KCNMB2: variants seen among roughly 807,000 people sequenced by gnomAD.
KCNMB2 encodes calcium-activated potassium channel subunit beta-2.
A neutral mutation model predicts 24.5 loss-of-function variants in KCNMB2; 9 were observed. That is an observed-to-expected ratio of 0.37 (90% CI 0.22 to 0.64). The LOEUF is 0.64. Among genes scored for constraint, KCNMB2 ranks in the 30% least tolerant of loss-of-function variants. The pLI is 0.63. For synonymous variants in KCNMB2, 109 were observed against 104.4 expected (o/e 1.04, Z -0.27); for missense variants, 226 against 284.3 (o/e 0.79, Z 1.47).
intron 1 of KCNMB2, among the ~76,000 whole-genome samples, chr3:178,777,052 T>G (rs1712611055): frequency 6.6e-6 from 1 of 152,146 alleles, no homozygotes; most frequent in African/African-American, 2.4e-5. Flanking sequence ...TATTAACCAA[T>G]GGAGCATAGC....
chr3:178,832,949 A>G (rs1560040081), intron 4 of KCNMB2, among the ~76,000 whole-genome samples: 1 of 80,964 alleles, frequency 1.2e-5, no homozygotes, highest in Non-Finnish European at 2.3e-5. Context: ...GTTGTCTTAT[A>G]ATATCTGGCT....
At position 178,780,060 on chromosome 3, in the gene KCNMB2, A is replaced by ATT. The variant is rs1560018477; in HGVS notation, c.-67-27283_-67-27282insTT. 1.4e-4 allele frequency among the ~76,000 whole-genome samples: 21 copies of ATT among 149,494 alleles called. No individual in the cohort carries two copies. In the East Asian group the frequency reaches 2.5e-3, roughly 18 times the overall value. ...CCAATTAGTTGTTTTTTTTAAAAAA[A>ATT]AAAAAAAAAAAAGCACTATGAAATT... is the stretch of plus-strand genomic sequence containing the variant. On this transcript the variant is annotated intron_variant, in intron 1 of 4. Transcript: ENST00000452583.
chr3:178,649,733 T>A (rs115320753), intron 1 of KCNMB2, among the ~76,000 whole-genome samples: 2,597 of 152,188 alleles, frequency 0.017, 64 homozygotes, highest in African/African-American at 0.059. Flanking sequence ...TATCATTTTT[T>A]ATTTGTATCT....
At chr3:178,659,762 T>C (rs1004252398) in intron 1 of KCNMB2, among the ~76,000 whole-genome samples, 6 of 152,228 alleles carry the variant, frequency 3.9e-5, no homozygotes, top group African/African-American at 1.4e-4. Flanking sequence ...GTTATGTTAA[T>C]TAAATGAGAT....
chr3:178,661,736 C>T (rs980603636), intron 1 of KCNMB2, among the ~76,000 whole-genome samples: 2 of 152,092 alleles, frequency 1.3e-5, no homozygotes, highest in East Asian at 1.9e-4. Context: ...TCTTGGATCC[C>T]GCCCCAAATC....
At chr3:178,698,600 C>T (rs992193137) in intron 1 of KCNMB2, among the ~76,000 whole-genome samples, 3 of 152,096 alleles carry the variant, frequency 2.0e-5, no homozygotes, top group African/African-American at 4.8e-5. Flanking sequence ...ATCTATATAC[C>T]GAATTCTATT....
intron 1 of KCNMB2, among the ~76,000 whole-genome samples, chr3:178,650,608 A>G (rs1720079818): frequency 3.9e-5 from 6 of 152,004 alleles, no homozygotes; most frequent in Admixed American, 3.3e-4. Context: ...CACAACAACA[A>G]AAAAAAATTT....
intron 4 of KCNMB2, among the ~76,000 whole-genome samples, chr3:178,835,726 T>C (rs1320435793): frequency 6.6e-6 from 1 of 151,456 alleles, no homozygotes; most frequent in Admixed American, 6.6e-5. Context: ...TTTGTTTGTT[T>C]GTTTGTTTAC....
chr3:178,713,282 C>T (rs1297826615), intron 1 of KCNMB2, among the ~76,000 whole-genome samples: 2 of 152,156 alleles, frequency 1.3e-5, no homozygotes, highest in African/African-American at 2.4e-5. Context: ...TGGGCAAATA[C>T]TCAGAAAAAT....
chr3:178,769,236 T>C, intron 1 of KCNMB2, among the ~76,000 whole-genome samples: 1 of 152,214 alleles, frequency 6.6e-6, no homozygotes, highest in South Asian at 2.1e-4. Flanking sequence ...CCCATTAAAG[T>C]ATATATGGTG....
At chr3:178,548,925 G>A (rs1053668553) in intron 1 of KCNMB2, among the ~76,000 whole-genome samples, 1 of 152,096 alleles carries the variant, frequency 6.6e-6, no homozygotes, top group African/African-American at 2.4e-5. Context: ...ATGTCCTTGG[G>A]CAAATAATTG....
At chr3:178,703,784 C>T (rs540053858) in intron 1 of KCNMB2, among the ~76,000 whole-genome samples, 13 of 152,148 alleles carry the variant, frequency 8.5e-5, no homozygotes, top group Non-Finnish European at 1.3e-4. Context: ...CCATGTGGAA[C>T]CCAGCTTGCT....
At position 178,754,025 on chromosome 3, in the gene KCNMB2, T is replaced by A. The variant is rs191419717; in HGVS notation, c.-67-53318T>A. Among the ~76,000 whole-genome samples, 1,131 of 151,576 alleles carry A rather than the reference T, an allele frequency of 7.5e-3. 3 individuals are homozygous for A. Among genetic ancestry groups the A allele is most frequent in the Non-Finnish European group, 0.012 (803 of 67,854 alleles). ...AATGTTTTTAGATTTCACATATAAG[T>A]GAGATTATGCAGTATTTATCTTTCT... On this transcript the variant is annotated intron_variant, in intron 1 of 4. Coordinates refer to ENST00000452583, the MANE Select transcript of KCNMB2 (RefSeq NM_181361.3).
rs528985521 is a variant in KCNMB2 at position 178,542,417 on chromosome 3, T to C, written c.-68+5706T>C. 5.5e-4 allele frequency among the ~76,000 whole-genome samples: 84 copies of C among 152,292 alleles called. 2 individuals are homozygous for C. The South Asian group carries it at 0.017, about 30-fold the overall frequency. On this transcript the variant is annotated intron_variant, in intron 1 of 4. Coordinates refer to ENST00000452583, the MANE Select transcript of KCNMB2 (RefSeq NM_181361.3). Reference sequence around the variant, plus strand: ...AAAAGTAATAGTTATCTCATTACTATTGTTATTTAATCTTCACAGCATACC... The same window carrying C: ...AAAAGTAATAGTTATCTCATTACTACTGTTATTTAATCTTCACAGCATACC...
intron 1 of KCNMB2, among the ~76,000 whole-genome samples, chr3:178,562,031 T>G (rs2108465397): frequency 6.6e-6 from 1 of 152,366 alleles, no homozygotes; most frequent in South Asian, 2.1e-4. Flanking sequence ...TTACAATTAG[T>G]GACAGCTCGT....
chr3:178,692,621 G>A (rs1721721710), intron 1 of KCNMB2, among the ~76,000 whole-genome samples: 1 of 152,142 alleles, frequency 6.6e-6, no homozygotes, highest in African/African-American at 2.4e-5. Flanking sequence ...TTTTGTGTCA[G>A]TACCATGCTG....
At chr3:178,715,415 TAGAG>T (rs1227929601) in intron 1 of KCNMB2, among the ~76,000 whole-genome samples, 1 of 148,826 alleles carries the variant, frequency 6.7e-6, no homozygotes, top group Non-Finnish European at 1.5e-5. Flanking sequence ...TTGAGGCAAA[TAGAG>T]AAAGATTCCT....
At chr3:178,625,485 G>A (rs1159436920) in intron 1 of KCNMB2, among the ~76,000 whole-genome samples, 1 of 152,200 alleles carries the variant, frequency 6.6e-6, no homozygotes. Flanking sequence ...ATGCCGGGGT[G>A]GGGAGGTGGG....
rs11337000 is a variant in KCNMB2, at chr3:178,679,058, G to GT, written c.-67-128277dup. On this transcript the variant is annotated intron_variant, in intron 1 of 4. Coordinates refer to ENST00000452583, the MANE Select transcript of KCNMB2 (RefSeq NM_181361.3). ...TTTGTTTGTTTTTTGTTTTGTTTTT[G>GT]TTTTTTTTATTATACTTTAAGTTTT... Among the ~76,000 whole-genome samples the GT allele has an allele frequency of 1.7e-3, 253 of 149,528 alleles. 2 individuals carry two copies. The highest frequency in any genetic ancestry group is 5.8e-3 in the African/African-American group (237 of 40,552).
Sources: gnomAD v4.1 joint callset for allele counts (sites outside exome capture counted in the v4.1 genomes callset) on GRCh38, gnomAD v4.1.1 for gene constraint, MANE v1.5 for transcripts, NCBI Gene and HGNC (gene_info 2026-07-23, HGNC 2026-07-21) for gene names.